The following PPP3CA variants were observed in gnomAD, a reference collection of about 807,000 sequenced individuals.
PPP3CA encodes the protein protein phosphatase 3 catalytic subunit alpha.
In PPP3CA, 14 loss-of-function variants were observed where a neutral mutation model predicts 66.5. The ratio of observed to expected loss-of-function variants is 0.21; its 90% confidence interval spans 0.14 to 0.33. The LOEUF is 0.33. PPP3CA is among the 10% of genes least tolerant of loss of function. PPP3CA has a pLI of 1.00. For synonymous variants in PPP3CA, 232 were observed against 226.2 expected (o/e 1.03, Z -0.23); for missense variants, 317 against 639.5 (o/e 0.50, Z 5.44).
At chr4:101,261,928 G>T (rs998510932) in intron 1 of PPP3CA, among the ~76,000 whole-genome samples, 8 of 151,572 alleles carry the variant, frequency 5.3e-5, no homozygotes, top group Non-Finnish European at 1.0e-4. Flanking sequence ...ATTATTTAAG[G>T]TAATCTATTC....
intron 10 of PPP3CA, among the ~76,000 whole-genome samples, chr4:101,059,005 A>G (rs1367798568): frequency 6.6e-6 from 1 of 152,144 alleles, no homozygotes; most frequent in African/African-American, 2.4e-5. Flanking sequence ...ACATTTATTA[A>G]TAGGGGATTA....
At chr4:101,036,090 C>T (rs1010126589) in intron 11 of PPP3CA, among the ~76,000 whole-genome samples, 1 of 152,110 alleles carries the variant, frequency 6.6e-6, no homozygotes, top group Non-Finnish European at 1.5e-5. Context: ...AGATGTAGTA[C>T]AAATATAAGA....
At chr4:101,197,923 C>T (rs984242483) in intron 1 of PPP3CA, among the ~76,000 whole-genome samples, 1 of 152,044 alleles carries the variant, frequency 6.6e-6, no homozygotes, top group Non-Finnish European at 1.5e-5. Flanking sequence ...AGAAAGTACT[C>T]GATAGGGCTT....
chr4:101,119,373 C>G (rs564721607), intron 2 of PPP3CA, among the ~76,000 whole-genome samples: 33 of 152,064 alleles, frequency 2.2e-4, no homozygotes, highest in African/African-American at 7.2e-4. Flanking sequence ...GTCTCATTTT[C>G]TTTTGTAGCA....
chr4:101,248,646 T>TG (rs1239523493), intron 1 of PPP3CA, among the ~76,000 whole-genome samples: 1 of 152,206 alleles, frequency 6.6e-6, no homozygotes, highest in African/African-American at 2.4e-5. Context: ...AACAAAAATA[T>TG]GTGCTGGATT....
intron 1 of PPP3CA, among the ~76,000 whole-genome samples, chr4:101,340,923 C>CA (rs1729793250): frequency 6.6e-6 from 1 of 152,146 alleles, no homozygotes; most frequent in South Asian, 2.1e-4. Context: ...AAGTAAATAA[C>CA]ATTCTTTTGC....
At chr4:101,048,549 C>T (rs1190247386) in intron 10 of PPP3CA, among the ~76,000 whole-genome samples, 1 of 138,032 alleles carries the variant, frequency 7.2e-6, no homozygotes, top group Non-Finnish European at 1.5e-5. Context: ...ATATGTATGC[C>T]TATATAAGTT....
At chr4:101,221,216 G>C (rs1725613662) in intron 1 of PPP3CA, among the ~76,000 whole-genome samples, 1 of 151,520 alleles carries the variant, frequency 6.6e-6, no homozygotes, top group Non-Finnish European at 1.5e-5. Context: ...TTTTGTGATA[G>C]AAAGAGTAAC....
intron 1 of PPP3CA, chr4:101,241,010 G>T (rs893732488): frequency 1.9e-4 from 29 of 152,048 alleles, no homozygotes; most frequent in Admixed American, 1.7e-3. Context: ...GCTAGGAACA[G>T]GTGCGCACTA....
At chr4:101,346,685 G>T in intron 1 of PPP3CA, 54 bp downstream of exon 1, 1 of 1,513,120 alleles carries the variant, frequency 6.6e-7, no homozygotes, top group South Asian at 1.2e-5. Context: ...GAGGCAAGCT[G>T]CCCTGGCGCC....
intron 6 of PPP3CA, among the ~76,000 whole-genome samples, chr4:101,085,835 T>TAC (rs60331979): frequency 0.029 from 4,150 of 143,904 alleles, 159 homozygotes; most frequent in African/African-American, 0.091. Context: ...ACTGCGTATA[T>TAC]ACACACACAC....
intron 2 of PPP3CA, among the ~76,000 whole-genome samples, chr4:101,174,991 A>G (rs1280425676): frequency 1.3e-5 from 2 of 152,144 alleles, no homozygotes; most frequent in Non-Finnish European, 2.9e-5. Context: ...ATCCATGTTC[A>G]GGGGGAAGTC....
intron 12 of PPP3CA, 152 bp from the exon 13 acceptor site, chr4:101,029,347 T>TA (rs34620032): frequency 0.021 from 1,634 of 79,370 alleles, 53 homozygotes; most frequent in African/African-American, 0.033. Flanking sequence ...ACAGAAATGC[T>TA]AAAAAAAAAA....
intron 2 of PPP3CA, chr4:101,158,403 C>G (rs759949774): frequency 4.4e-4 from 67 of 152,326 alleles, no homozygotes; most frequent in African/African-American, 1.6e-3. Context: ...CAGTGTGCAA[C>G]AAGAACATTT....
At chr4:101,246,203 AG>A (rs1486902953) in intron 1 of PPP3CA, among the ~76,000 whole-genome samples, 1 of 152,218 alleles carries the variant, frequency 6.6e-6, no homozygotes, top group Non-Finnish European at 1.5e-5. Flanking sequence ...TGCATGTAGT[AG>A]GGACTAAATG....
intron 2 of PPP3CA, among the ~76,000 whole-genome samples, chr4:101,139,129 C>T (rs915306626): frequency 3.3e-5 from 5 of 151,882 alleles, no homozygotes; most frequent in Admixed American, 6.6e-5. Context: ...TGGATCACAA[C>T]GTCAGGAGAT....
intron 1 of PPP3CA, among the ~76,000 whole-genome samples, chr4:101,253,099 C>A (rs139143047): frequency 6.6e-6 from 1 of 152,240 alleles, no homozygotes; most frequent in African/African-American, 2.4e-5. Flanking sequence ...AAAACAACAA[C>A]ATTTCATAGA....
intron 2 of PPP3CA, among the ~76,000 whole-genome samples, chr4:101,122,318 G>C (rs1428848875): frequency 2.0e-5 from 3 of 152,032 alleles, no homozygotes; most frequent in African/African-American, 4.8e-5. Flanking sequence ...GGAGTGTCAG[G>C]GTCATTAGTA....
chr4:101,105,204 G>A (rs1578450460), intron 3 of PPP3CA, among the ~76,000 whole-genome samples: 2 of 133,190 alleles, frequency 1.5e-5, no homozygotes, highest in Non-Finnish European at 3.1e-5. Flanking sequence ...GTCTTGCTCT[G>A]TTGCTAGGCT....
Sources: allele counts gnomAD v4.1 joint callset (sites outside exome capture counted in the v4.1 genomes callset), GRCh38; gene constraint gnomAD v4.1.1; transcripts MANE v1.5; gene names NCBI Gene and HGNC (gene_info 2026-07-23, HGNC 2026-07-21).